Variants in ANXA6 observed in about 807,000 individuals in gnomAD.
ANXA6 encodes annexin A6.
A neutral mutation model predicts 95.4 loss-of-function variants in ANXA6; 71 were observed. The ratio of observed to expected loss-of-function variants is 0.74; its 90% CI spans 0.61 to 0.91. ANXA6 has a LOEUF of 0.91. Among genes scored for constraint, ANXA6 ranks in the 40% least tolerant of loss-of-function variants. The pLI is 0.00. For synonymous variants in ANXA6, 289 were observed against 315.9 expected (o/e 0.91, Z 0.90); for missense variants, 830 against 876.4 (o/e 0.95, Z 0.67).
At chr5:151,104,377 A>C (rs1461490996) in intron 24 of ANXA6, among the ~76,000 whole-genome samples, 2 of 152,254 alleles carry the variant, frequency 1.3e-5, no homozygotes, top group Non-Finnish European at 2.9e-5. Context: ...CTCTGCCCCC[A>C]GGGAGCGACA....
At chr5:151,117,685 C>T in intron 19 of ANXA6, 73 bp downstream of exon 19, 8 of 1,329,708 alleles carry the variant, frequency 6.0e-6, no homozygotes, top group Non-Finnish European at 7.5e-6. Flanking sequence ...CTGTGCCCTC[C>T]ACTCAGTAAA....
chr5:151,112,479 G>A (rs1035923362), intron 20 of ANXA6, among the ~76,000 whole-genome samples: 6 of 152,198 alleles, frequency 3.9e-5, no homozygotes, highest in Non-Finnish European at 7.3e-5. Context: ...TTAAATAAGA[G>A]TTATCAAGGC....
rs895365320 is a variant in ANXA6, at chr5:151,111,363, G to A, written c.1573-719C>T. ...GCGTATTGCTTTCGCCGTTCCCCCA[G>A]AAACTCTGCTGACTTTATTCTATTG... is the stretch of plus-strand genomic sequence containing the variant. On this transcript the variant is annotated intron_variant, in intron 20 of 25. Transcript: ENST00000354546. Among the ~76,000 whole-genome samples the A allele has an allele frequency of 7.9e-5, 12 of 152,194 alleles. No homozygotes were observed. In the East Asian group the frequency reaches 2.3e-3, roughly 29 times the overall value.
chr5:151,128,984 A>C (rs1303370495), intron 12 of ANXA6, among the ~76,000 whole-genome samples: 1 of 149,858 alleles, frequency 6.7e-6, no homozygotes, highest in Non-Finnish European at 1.5e-5. Context: ...CTAGCTTTAC[A>C]TATGTCTCCT....
rs369755810 is a variant in ANXA6 at position 151,133,194 on chromosome 5, G to A, written c.547-7C>T. 5 of 1,565,346 alleles carry A rather than the reference G, an allele frequency of 3.2e-6. No homozygotes were observed. In the East Asian group the frequency reaches 1.2e-4, roughly 37 times the overall value. On this transcript the variant is annotated splice_region_variant and splice_polypyrimidine_tract_variant and intron_variant, in intron 8 of 25. Transcript: ENST00000354546. ...CCCCTGCCTCGTATAGGTCCTGAAG[G>A]GGAAGAGGTGGCACTTGACTGAAAG...
chr5:151,101,588 G>A (rs1764553263), intron 25 of ANXA6, 81 bp from the exon 26 acceptor site: 1 of 1,263,424 alleles, frequency 7.9e-7, no homozygotes, highest in African/African-American at 1.5e-5. Context: ...CCATCTGTCT[G>A]GACATCTCCC....
intron 25 of ANXA6, 97 bp from the exon 26 acceptor site, chr5:151,101,604 T>G: frequency 9.3e-7 from 1 of 1,077,338 alleles, no homozygotes; most frequent in Non-Finnish European, 1.4e-6. Flanking sequence ...CTCCCTCGGC[T>G]TCTCTCCATG....
At chr5:151,119,919 G>A (rs767940277) in intron 17 of ANXA6, among the ~76,000 whole-genome samples, 7 of 151,900 alleles carry the variant, frequency 4.6e-5, no homozygotes, top group South Asian at 4.2e-4. Flanking sequence ...TTGCTCTGTC[G>A]CCCAGGCTGG....
Position 151,103,558 on chromosome 5 carries a change from C to T in ANXA6, c.1962+12G>A, listed in dbSNP as rs754996096. 2 of 1,611,166 alleles carry T rather than the reference C, an allele frequency of 1.2e-6. No individual in the cohort carries two copies. The highest frequency in any genetic ancestry group is 2.2e-5 in the South Asian group (2 of 90,518). The stretch of plus-strand genomic sequence containing the variant: ...CACCCGCTTCCTGCTAACCTCTAGC[C>T]CCTCCCCTTACCTCAATGGCTTGGT... On this transcript the variant is annotated intron_variant, in intron 25 of 25. Coordinates refer to ENST00000354546, the MANE Select transcript of ANXA6 (RefSeq NM_001155.5).
chr5:151,106,914 G>T (rs1035505928), intron 23 of ANXA6, among the ~76,000 whole-genome samples: 1 of 152,190 alleles, frequency 6.6e-6, no homozygotes, highest in Admixed American at 6.5e-5. Context: ...GTGTTTGCAC[G>T]TGTATACCTG....
chr5:151,140,983 C>T (rs916990404), intron 2 of ANXA6, among the ~76,000 whole-genome samples: 1 of 152,212 alleles, frequency 6.6e-6, no homozygotes, highest in Non-Finnish European at 1.5e-5. Flanking sequence ...CCCAGAGACA[C>T]TCTCATTTCA....
chr5:151,110,188 C>T (rs916506138), intron 21 of ANXA6, among the ~76,000 whole-genome samples: 2 of 152,226 alleles, frequency 1.3e-5, no homozygotes, highest in African/African-American at 4.8e-5. Flanking sequence ...AACCTTTCTG[C>T]AAGCCCCTCT....
intron 1 of ANXA6, chr5:151,154,855 T>C (rs141935760): frequency 6.8e-4 from 104 of 152,274 alleles, no homozygotes; most frequent in African/African-American, 2.2e-3. Context: ...AGCAAAGTAG[T>C]GTCTCACAGT....
chr5:151,143,487 C>A (rs1765890644), intron 2 of ANXA6, among the ~76,000 whole-genome samples: 1 of 152,142 alleles, frequency 6.6e-6, no homozygotes, highest in South Asian at 2.1e-4. Context: ...CTAGGGCTAC[C>A]CTACCATTCA....
intron 20 of ANXA6, among the ~76,000 whole-genome samples, chr5:151,116,449 A>C (rs1166301106): frequency 2.0e-5 from 3 of 152,210 alleles, no homozygotes; most frequent in Non-Finnish European, 2.9e-5. Flanking sequence ...TAGAACCCTC[A>C]GGGAAAATGA....
chr5:151,149,049 C>T (rs141798063), intron 1 of ANXA6, among the ~76,000 whole-genome samples: 1,790 of 151,604 alleles, frequency 0.012, 36 homozygotes, highest in African/African-American at 0.042. Context: ...GACATGGTGG[C>T]ACATGCCTAT....
At chr5:151,117,953 G>A (rs1765051969) in intron 18 of ANXA6, 116 bp from the exon 19 acceptor site, 1 of 792,074 alleles carries the variant, frequency 1.3e-6, no homozygotes. Flanking sequence ...GGGAGGTGGG[G>A]ATGAAAGGGT....
At chr5:151,121,651 A>G (rs1430948002) in intron 17 of ANXA6, among the ~76,000 whole-genome samples, 1 of 152,190 alleles carries the variant, frequency 6.6e-6, no homozygotes, top group African/African-American at 2.4e-5. Flanking sequence ...TGGCAGGTCT[A>G]GGCTGGAGTA....
At position 151,109,929 on chromosome 5, in the gene ANXA6, T is replaced by C. The variant is rs1433409094; in HGVS notation, c.1591-83A>G. 2.8e-6 allele frequency: 3 copies of C among 1,088,996 alleles called. No homozygotes were observed. The African/African-American group carries it at 4.7e-5, about 17-fold the overall frequency. 67.5% of individuals were successfully genotyped at this position (1,088,996 alleles called of 1,614,324 possible). A position where few individuals can be genotyped will look rare whatever the true frequency, so the allele number is the denominator to read the frequency against. ...TATTATTCACTTTCATGTCTTTGCC[T>C]GGGCTGAGGGCAGTCAGAAGCTGGG... On this transcript the variant is annotated intron_variant, in intron 21 of 25. Transcript: ENST00000354546.
Sources: gnomAD v4.1 joint callset for allele counts (sites outside exome capture counted in the v4.1 genomes callset) on GRCh38, gnomAD v4.1.1 for gene constraint, MANE v1.5 for transcripts, NCBI Gene and HGNC (gene_info 2026-07-23, HGNC 2026-07-21) for gene names.